Variants in WDR86 observed in about 807,000 individuals in gnomAD.
WDR86 encodes the protein WD repeat domain 86.
A neutral mutation model predicts 36.5 loss-of-function variants in WDR86; 30 were observed. The ratio of observed to expected loss-of-function variants is 0.82; its 90% CI spans 0.61 to 1.11. The LOEUF (loss-of-function observed/expected upper bound fraction) is 1.11, where lower values mean the gene tolerates loss of function less well. WDR86 is among the 50% of genes most tolerant of loss of function. The pLI is 0.00. For synonymous variants in WDR86, 255 were observed against 252.9 expected, an observed-to-expected ratio of 1.01 and a Z score of -0.08; for missense variants, 545 against 561.2, an observed-to-expected ratio of 0.97 and a Z score of 0.29.
At chr7:151,386,370 A>G (rs995199876) in intron 3 of WDR86, among the ~76,000 whole-genome samples, 2 of 152,222 alleles carry the variant, frequency 1.3e-5, no homozygotes, top group Non-Finnish European at 2.9e-5. Context: ...CACTGTGCCC[A>G]GAGAAGGCAG....
upstream of WDR86, chr7:151,410,067 C>T: frequency 1.0e-6 from 1 of 986,702 alleles, no homozygotes; most frequent in Non-Finnish European, 1.2e-6. Context: ...AGAGACCACC[C>T]CTCACCCGAT....
chr7:151,395,201 C>G (rs1454783749), intron 3 of WDR86, among the ~76,000 whole-genome samples: 1 of 152,162 alleles, frequency 6.6e-6, no homozygotes, highest in Admixed American at 6.5e-5. Flanking sequence ...AGGAGGCTGC[C>G]GGCGTTCACC....
downstream of WDR86, among the ~76,000 whole-genome samples, chr7:151,379,326 C>T (rs1313814153): frequency 6.6e-6 from 1 of 152,136 alleles, no homozygotes; most frequent in African/African-American, 2.4e-5. Context: ...CATGCCAGCA[C>T]AATGGTGTGC....
rs1464026249 is a variant in WDR86, at chr7:151,408,194, CTTTTCTTTT to C, written c.163+1224_163+1232del. On this transcript the variant is annotated intron_variant, in intron 1 of 5. Transcript: ENST00000334493. Reference sequence around the variant, plus strand: ...TAACTATGTAATATTTTTTTCTTTTCTTTTCTTTTTTTTTTTTTTTTAGACAGAGTCTGG... The same window carrying C: ...TAACTATGTAATATTTTTTTCTTTTCTTTTTTTTTTTTAGACAGAGTCTGG... 4.4e-3 allele frequency among the ~76,000 whole-genome samples: 547 copies of C among 124,652 alleles called. 4 individuals are homozygous for C. Among genetic ancestry groups the C allele is most frequent in the African/African-American group, 0.017 (518 of 31,244 alleles). The allele number at this position is 124,652 out of a possible 152,430, so 81.8% of individuals were successfully genotyped here.
Position 151,395,832 on chromosome 7 carries a change from T to A in WDR86, c.670A>T (p.Ser224Cys). The A allele has an allele frequency of 6.3e-7, 1 of 1,581,948 alleles. No individual in the cohort carries two copies. Among genetic ancestry groups the A allele is most frequent in the Non-Finnish European group, 8.6e-7 (1 of 1,166,010 alleles). ...CGGAACACCCGCAGCTGCTCCCCAC[T>A]CAGGATGTCCCAGGCACGGATGGTG... is the stretch of plus-strand genomic sequence containing the variant. ...DATIRAWDIL[S>C]GEQLRVFREH... Residue 224 changes from serine (S) to cysteine (C), a missense_variant, in exon 3 of 6, where the codon AGT becomes TGT. Coordinates refer to ENST00000334493, the MANE Select transcript of WDR86 (RefSeq NM_198285.3).
chr7:151,406,124 A>G lies in WDR86; in HGVS notation c.163+3303T>C, dbSNP rs2150872022. Among the ~76,000 whole-genome samples the G allele has an allele frequency of 6.6e-6, 1 of 152,326 alleles. No individual in the cohort carries two copies. Among genetic ancestry groups the G allele is most frequent in the Non-Finnish European group, 1.5e-5 (1 of 68,014 alleles). On this transcript the variant is annotated intron_variant, in intron 1 of 5. Transcript: ENST00000334493. This position sits in a 1 kb window ranked among gnomAD's most constrained non-coding sequence, Gnocchi z 4.4. ...AAGCCTTTTTCACTGTGAGCTCACCAACCGCATTTGAAAGGCAATTCCGTG... is the reference window on the plus strand; with the variant it reads ...AAGCCTTTTTCACTGTGAGCTCACCGACCGCATTTGAAAGGCAATTCCGTG...
intron 4 of WDR86, among the ~76,000 whole-genome samples, chr7:151,383,180 G>T (rs1010035116): frequency 1.6e-4 from 21 of 134,460 alleles, no homozygotes; most frequent in African/African-American, 7.7e-4. Flanking sequence ...CGGCGGGGTG[G>T]GGGGGGGGAG....
intron 3 of WDR86, among the ~76,000 whole-genome samples, chr7:151,387,657 G>A (rs1216638918): frequency 6.6e-6 from 1 of 152,074 alleles, no homozygotes; most frequent in African/African-American, 2.4e-5. Context: ...GCACAGATGC[G>A]GGCCTCCACC....
In WDR86 at chr7:151,409,511, C is replaced by G. The variant is rs745848520; in HGVS notation, c.79G>C (p.Gly27Arg). Residue 27 changes from glycine (G) to arginine (R), a missense_variant, in exon 1 of 6, where the codon GGG (glycine) becomes CGG (arginine). Gly to Arg is a moderately radical substitution (Grantham distance 125). Transcript: ENST00000334493. The surrounding 1 kb of genome is among the most constrained non-coding windows in gnomAD (Gnocchi z 5.2). ...GINWLSLSPDGQRLLTGSEDG... is the reference protein window; with the variant it reads ...GINWLSLSPDRQRLLTGSEDG... ...TCGCTGCCCGTCAGCAGGCGCTGCC[C>G]GTCGGGGCTCAGGCTCAGCCAGTTG... 2 of 1,532,160 alleles carry G rather than the reference C, an allele frequency of 1.3e-6. No homozygotes were observed. Among genetic ancestry groups the G allele is most frequent in the South Asian group, 1.2e-5 (1 of 83,724 alleles). The allele number at this position is 1,532,160 out of a possible 1,614,324, so 94.9% of individuals were successfully genotyped here. A position where few individuals can be genotyped will look rare whatever the true frequency, so the allele number is the denominator to read the frequency against.
chr7:151,391,588 C>T (rs146438225), intron 3 of WDR86, among the ~76,000 whole-genome samples: 5 of 152,134 alleles, frequency 3.3e-5, no homozygotes, highest in East Asian at 1.9e-4. Flanking sequence ...GTCTGGGGCC[C>T]GACAGTCCTT....
chr7:151,407,834 T>G (rs531410847), intron 1 of WDR86, among the ~76,000 whole-genome samples: 284 of 152,008 alleles, frequency 1.9e-3, no homozygotes, highest in Non-Finnish European at 2.7e-3. Flanking sequence ...AGAGCGAAAC[T>G]CCATCTCAAA....
chr7:151,376,555 G>C (rs576636705), downstream of WDR86: 248 of 1,350,488 alleles, frequency 1.8e-4, 2 homozygotes, highest in African/African-American at 3.3e-3. Flanking sequence ...ATGAGAGTCG[G>C]CTGTCCACTC....
In WDR86 at chr7:151,405,820, G is replaced by T. The variant is rs1294546737; in HGVS notation, c.163+3607C>A. Among the ~76,000 whole-genome samples the T allele has an allele frequency of 2.0e-5, 3 of 152,132 alleles. No homozygotes were observed. Among genetic ancestry groups the T allele is most frequent in the Admixed American group, 2.0e-4 (3 of 15,276 alleles). ...CGGCTCCCAGCAAATGGGAATGTGG[G>T]GTTGTACCCAGGAAATTAACAACAA... is the stretch of plus-strand genomic sequence containing the variant. On this transcript the variant is annotated intron_variant, in intron 1 of 5. Transcript: ENST00000334493. The surrounding 1 kb of genome is among the most constrained non-coding windows in gnomAD (Gnocchi z 4.7).
chr7:151,384,624 G>A (rs1223503686), intron 4 of WDR86, among the ~76,000 whole-genome samples: 3 of 152,194 alleles, frequency 2.0e-5, no homozygotes, highest in Admixed American at 1.3e-4. Flanking sequence ...CATTCCAGCC[G>A]AGACCACCAG....
downstream of WDR86, chr7:151,381,027 G>A: frequency 1.6e-6 from 1 of 622,030 alleles, no homozygotes; most frequent in Non-Finnish European, 2.1e-6. This position sits in a 1 kb window ranked among gnomAD's most constrained non-coding sequence, Gnocchi z 4.8. Context: ...GTGAGAGGCA[G>A]AGGGCAGGAG....
chr7:151,395,671 A>G (rs1799766591), intron 3 of WDR86, 105 bp downstream of exon 3: 2 of 1,311,212 alleles, frequency 1.5e-6, no homozygotes, highest in Non-Finnish European at 2.0e-6. Flanking sequence ...CCCCATCTGC[A>G]GCGCTTTGTT....
chr7:151,374,625 G>A (rs112489136), downstream of WDR86: 24 of 274,386 alleles, frequency 8.7e-5, no homozygotes, highest in African/African-American at 4.2e-4. Context: ...TTAAATGTAA[G>A]TATCTAGTTT....
At chr7:151,383,594 G>C (rs1033699690) in intron 4 of WDR86, among the ~76,000 whole-genome samples, 3 of 152,206 alleles carry the variant, frequency 2.0e-5, no homozygotes, top group African/African-American at 7.2e-5. Flanking sequence ...TGGGATTACA[G>C]GCATGAGCCA....
At chr7:151,375,756 G>T (rs922604695), downstream of WDR86, 1 of 825,302 alleles carries the variant, frequency 1.2e-6, no homozygotes, top group Non-Finnish European at 2.1e-6. Context: ...AGAGGACGGC[G>T]GGGTCTGCCT....
Sources: allele counts gnomAD v4.1 joint callset (sites outside exome capture counted in the v4.1 genomes callset), GRCh38; gene constraint gnomAD v4.1.1; non-coding constraint Gnocchi (gnomAD v3.1); transcripts MANE v1.5; gene names NCBI Gene and HGNC (gene_info 2026-07-23, HGNC 2026-07-21).